The following SLC39A11 variants were observed in gnomAD, a reference collection of about 807,000 sequenced individuals.
SLC39A11 encodes solute carrier family 39 member 11, also known as zinc transporter ZIP11.
In SLC39A11, 33 loss-of-function variants were observed where a neutral mutation model predicts 36.1. The ratio of observed to expected loss-of-function variants is 0.91; its 90% confidence interval spans 0.69 to 1.22. SLC39A11 has a LOEUF of 1.22. SLC39A11 is among the 50% of genes most tolerant of loss of function. The pLI is 0.00. For synonymous variants in SLC39A11, 166 were observed against 170.3 expected (o/e 0.97, Z 0.20); for missense variants, 432 against 430.3 (o/e 1.00, Z -0.03).
At chr17:72,936,059 G>A (rs2084729740) in intron 5 of SLC39A11, among the ~76,000 whole-genome samples, 1 of 152,132 alleles carries the variant, frequency 6.6e-6, no homozygotes, top group Admixed American at 6.5e-5. Context: ...TCAGCTGAGT[G>A]TGGTGGTATT....
At chr17:72,758,430 C>T (rs1243370915) in intron 6 of SLC39A11, among the ~76,000 whole-genome samples, 1 of 152,148 alleles carries the variant, frequency 6.6e-6, no homozygotes, top group Non-Finnish European at 1.5e-5. Context: ...TCATTTTGTT[C>T]GGTATTGAAA....
chr17:72,745,041 C>T (rs1272878540), intron 6 of SLC39A11, among the ~76,000 whole-genome samples: 2 of 129,306 alleles, frequency 1.5e-5, no homozygotes, highest in Non-Finnish European at 3.3e-5. Context: ...GGGGTTTCAC[C>T]ATGTTGGCCA....
intron 3 of SLC39A11, among the ~76,000 whole-genome samples, chr17:73,073,090 G>A (rs777175967): frequency 6.6e-6 from 1 of 152,182 alleles, no homozygotes; most frequent in Non-Finnish European, 1.5e-5. Context: ...CAAGGCACAA[G>A]AATTTCTTGA....
At chr17:72,730,080 C>T (rs11871740) in intron 7 of SLC39A11, among the ~76,000 whole-genome samples, 5,119 of 152,240 alleles carry the variant, frequency 0.034, 106 homozygotes, top group Non-Finnish European at 0.051. Context: ...TTGAAATGAA[C>T]GTAAGCTTTC....
chr17:72,925,176 C>T (rs868432772), intron 5 of SLC39A11, among the ~76,000 whole-genome samples: 2 of 152,178 alleles, frequency 1.3e-5, no homozygotes, highest in South Asian at 4.2e-4. Context: ...TGGGGTTGGC[C>T]TATTCCTGTT....
intron 7 of SLC39A11, among the ~76,000 whole-genome samples, chr17:72,666,740 C>T (rs1451816991): frequency 1.3e-5 from 2 of 152,240 alleles, no homozygotes; most frequent in East Asian, 1.9e-4. Context: ...TTTCAGGGCT[C>T]GTGAGAAATC....
At chr17:73,033,250 G>A (rs772433830) in intron 3 of SLC39A11, among the ~76,000 whole-genome samples, 1 of 152,184 alleles carries the variant, frequency 6.6e-6, no homozygotes, top group Non-Finnish European at 1.5e-5. Context: ...AACAGGCCAT[G>A]GATCAGCACT....
At chr17:72,729,408 TATATATATA>T (rs2074069582) in intron 7 of SLC39A11, among the ~76,000 whole-genome samples, 60 of 4,448 alleles carry the variant, frequency 0.013, 3 homozygotes, top group Non-Finnish European at 0.016. Flanking sequence ...TGGCTATTTA[TATATATATA>T]TATATATATA....
At chr17:72,648,344 A>G (rs893735452) in intron 9 of SLC39A11, among the ~76,000 whole-genome samples, 2 of 115,184 alleles carry the variant, frequency 1.7e-5, no homozygotes, top group African/African-American at 2.9e-5. Context: ...AAAAAAAAAA[A>G]AAAGAAAAAC....
chr17:72,974,864 C>G (rs563349880), intron 4 of SLC39A11, among the ~76,000 whole-genome samples: 7 of 152,232 alleles, frequency 4.6e-5, no homozygotes, highest in South Asian at 4.2e-4. Flanking sequence ...TTTACTGCAC[C>G]TCTTCTATGT....
chr17:72,887,491 A>G (rs1176108800), intron 5 of SLC39A11, among the ~76,000 whole-genome samples: 1 of 152,222 alleles, frequency 6.6e-6, no homozygotes, highest in Non-Finnish European at 1.5e-5. Context: ...GGTGGCTTTG[A>G]AAGGCAGAGA....
intron 6 of SLC39A11, among the ~76,000 whole-genome samples, chr17:72,748,079 T>C (rs538041426): frequency 1.3e-5 from 2 of 152,300 alleles, no homozygotes; most frequent in African/African-American, 4.8e-5. Flanking sequence ...CCCAGCACTT[T>C]GGGAGGCCGA....
At chr17:72,959,325 G>GTGTGTGTGTGTGTA (rs1436484912) in intron 4 of SLC39A11, among the ~76,000 whole-genome samples, 3 of 65,548 alleles carry the variant, frequency 4.6e-5, no homozygotes, top group African/African-American at 2.1e-4. Flanking sequence ...GTGTGTGTGT[G>GTGTGTGTGTGTGTA]TATATATATA....
In SLC39A11 at chr17:72,923,269, T is replaced by C. The variant is rs938192541; in HGVS notation, c.430+24483A>G. Among the ~76,000 whole-genome samples, 10 of 152,138 alleles carry C rather than the reference T, an allele frequency of 6.6e-5. No homozygotes were observed. In the South Asian group the frequency reaches 1.0e-3, roughly 16 times the overall value. ...TGGACATGTGAGTTGCATGGGCCAA[T>C]AGGACCCAGTGGATGTGAAGCTCAC... On this transcript the variant is annotated intron_variant, in intron 5 of 9. Coordinates refer to ENST00000255559, the MANE Select transcript of SLC39A11 (RefSeq NM_139177.4).
At chr17:72,727,395 T>G (rs2073969525) in intron 7 of SLC39A11, among the ~76,000 whole-genome samples, 2 of 152,116 alleles carry the variant, frequency 1.3e-5, no homozygotes, top group African/African-American at 4.8e-5. Context: ...GGCTCACGCC[T>G]GTAATCCCAG....
intron 5 of SLC39A11, among the ~76,000 whole-genome samples, chr17:72,882,797 C>CTTTTTTT (rs972532779): frequency 1.6e-5 from 1 of 60,610 alleles, no homozygotes. Flanking sequence ...GAGAATGCTT[C>CTTTTTTT]TTTTTTTTTT....
intron 3 of SLC39A11, among the ~76,000 whole-genome samples, chr17:73,083,623 G>A (rs148942907): frequency 1.9e-3 from 288 of 152,190 alleles, no homozygotes; most frequent in Admixed American, 4.1e-3. Context: ...AAATACAGGG[G>A]ACTGAGGAAC....
intron 6 of SLC39A11, among the ~76,000 whole-genome samples, chr17:72,745,117 C>T (rs1391480025): frequency 2.6e-5 from 4 of 152,234 alleles, no homozygotes; most frequent in Non-Finnish European, 4.4e-5. Context: ...GCTGGGATTA[C>T]CGGCATGAGC....
rs544036568 is a variant in SLC39A11, at chr17:72,649,592, C to T, written c.672-324G>A. On this transcript the variant is annotated intron_variant, in intron 7 of 9. Transcript: ENST00000255559. ...GTTCTGCCACGTGGCTGTATAACTG[C>T]ACTTTTCATTTTACTTTCTACGCCT... Among the ~76,000 whole-genome samples the T allele has an allele frequency of 1.3e-5, 2 of 152,188 alleles. 1 individual carries two copies. The highest frequency in any genetic ancestry group is 1.3e-4 in the Admixed American group (2 of 15,290).
Sources: allele counts gnomAD v4.1 joint callset (sites outside exome capture counted in the v4.1 genomes callset), GRCh38; gene constraint gnomAD v4.1.1; transcripts MANE v1.5; gene names NCBI Gene and HGNC (gene_info 2026-07-23, HGNC 2026-07-21).